Variants in CEP112 observed in about 807,000 individuals in gnomAD.
CEP112 encodes centrosomal protein 112, also known as centrosomal protein of 112 kDa.
A neutral mutation model predicts 153.0 loss-of-function variants in CEP112; 127 were observed. That is an observed-to-expected ratio of 0.83 (90% CI 0.72 to 0.96). The LOEUF (loss-of-function observed/expected upper bound fraction) is 0.96. Among genes scored for constraint, CEP112 ranks in the 40% least tolerant of loss-of-function variants. The probability of loss-of-function intolerance (pLI) is 0.00; values close to 1 mark genes in which losing one functional copy is unlikely to be tolerated. For missense variants in CEP112, 1,089 were observed against 1,101.2 expected (o/e 0.99, Z 0.16); for synonymous variants, 358 against 374.4 (o/e 0.96, Z 0.51).
chr17:65,914,632 G>A (rs1568219235), intron 19 of CEP112, among the ~76,000 whole-genome samples: 1 of 152,002 alleles, frequency 6.6e-6, no homozygotes, highest in African/African-American at 2.4e-5. Flanking sequence ...CTGTACACTG[G>A]ATTCCATCCT....
At chr17:65,832,654 A>C (rs2057133108) in intron 21 of CEP112, among the ~76,000 whole-genome samples, 1 of 150,794 alleles carries the variant, frequency 6.6e-6, no homozygotes, top group Non-Finnish European at 1.5e-5. Context: ...CTGAACAAGG[A>C]AGAAATTTAT....
At chr17:65,847,610 G>T (rs2057775308) in intron 21 of CEP112, among the ~76,000 whole-genome samples, 1 of 152,184 alleles carries the variant, frequency 6.6e-6, no homozygotes, top group Admixed American at 6.5e-5. Flanking sequence ...GAGGGCACCT[G>T]CCCCGAGCTG....
Position 65,722,405 on chromosome 17 carries a change from C to T in CEP112, c.2607+20663G>A, listed in dbSNP as rs550145053. Among the ~76,000 whole-genome samples the T allele has an allele frequency of 5.7e-3, 863 of 152,236 alleles. 10 individuals carry two copies. The highest frequency in any genetic ancestry group is 6.2e-3 in the Non-Finnish European group (424 of 68,016). ...CTGGGATTACAGGCACACACCACCACACCCAGCTAATTTTTGTATTTTTAG... is the reference window on the plus strand; with the variant it reads ...CTGGGATTACAGGCACACACCACCATACCCAGCTAATTTTTGTATTTTTAG... On this transcript the variant is annotated intron_variant, in intron 23 of 26. Transcript: ENST00000535342.
chr17:65,689,261 C>T, intron 23 of CEP112, 43 bp from the exon 24 acceptor site: 1 of 1,421,402 alleles, frequency 7.0e-7, no homozygotes, highest in Non-Finnish European at 9.9e-7. Flanking sequence ...AATTAGCACA[C>T]TTGGAAAAAT....
At chr17:65,850,798 C>T (rs147812850) in intron 21 of CEP112, among the ~76,000 whole-genome samples, 1 of 152,322 alleles carries the variant, frequency 6.6e-6, no homozygotes, top group East Asian at 1.9e-4. Context: ...TCTTCTCACT[C>T]ATCATTTCCA....
At chr17:66,170,168 T>C (rs1322853581) in intron 4 of CEP112, among the ~76,000 whole-genome samples, 1 of 152,122 alleles carries the variant, frequency 6.6e-6, no homozygotes, top group African/African-American at 2.4e-5. Context: ...AATCTATTGG[T>C]TAGAAGCAAG....
intron 21 of CEP112, among the ~76,000 whole-genome samples, chr17:65,802,458 A>G (rs1437027247): frequency 2.6e-5 from 4 of 152,146 alleles, no homozygotes; most frequent in African/African-American, 9.7e-5. Flanking sequence ...TAAATGATCA[A>G]TAGTCATTTC....
chr17:65,663,581 T>G (rs906282450), intron 24 of CEP112, among the ~76,000 whole-genome samples: 2 of 152,168 alleles, frequency 1.3e-5, no homozygotes, highest in Non-Finnish European at 2.9e-5. Flanking sequence ...GAGAAAGTGC[T>G]AGGATGGTGG....
intron 18 of CEP112, among the ~76,000 whole-genome samples, chr17:65,948,212 T>C (rs893179839): frequency 6.6e-5 from 10 of 152,188 alleles, no homozygotes; most frequent in Non-Finnish European, 1.3e-4. Flanking sequence ...ACCAGCGCTT[T>C]TCAGAACTTT....
intron 6 of CEP112, among the ~76,000 whole-genome samples, chr17:66,119,688 G>T (rs1246503460): frequency 2.0e-5 from 3 of 152,168 alleles, no homozygotes; most frequent in Non-Finnish European, 2.9e-5. Flanking sequence ...GGGAGAGAGA[G>T]AACTGTTAAA....
intron 25 of CEP112, among the ~76,000 whole-genome samples, chr17:65,639,377 G>A (rs1030347249): frequency 6.6e-6 from 1 of 151,964 alleles, no homozygotes; most frequent in Non-Finnish European, 1.5e-5. Flanking sequence ...ATTTTTCAAG[G>A]AAAAAATATG....
chr17:66,105,388 A>C (rs2146336933), intron 6 of CEP112, among the ~76,000 whole-genome samples: 1 of 152,310 alleles, frequency 6.6e-6, no homozygotes, highest in South Asian at 2.1e-4. Context: ...AGACCACAAA[A>C]CAACCGGAAA....
rs116791641 is a variant in CEP112 at position 65,966,527 on chromosome 17, C to G, written c.1737-4929G>C. Among the ~76,000 whole-genome samples the G allele has an allele frequency of 9.8e-3, 1,492 of 152,278 alleles. 21 individuals are homozygous for G. The highest frequency in any genetic ancestry group is 0.034 in the African/African-American group (1,425 of 41,554). On this transcript the variant is annotated intron_variant, in intron 17 of 26. Coordinates refer to ENST00000535342, the MANE Select transcript of CEP112 (RefSeq NM_001199165.4). The stretch of plus-strand genomic sequence containing the variant: ...CCTGGAAACTCCAAGAAAAACAACA[C>G]AAAACAAGAAACTTCAAACAAGTCT...
chr17:65,768,671 T>C (rs904662201), intron 21 of CEP112, among the ~76,000 whole-genome samples: 1 of 44,496 alleles, frequency 2.2e-5, no homozygotes, highest in East Asian at 4.5e-3. Flanking sequence ...CAGTGTGATA[T>C]ATCACATTAA....
At chr17:65,670,260 A>C (rs548444290) in intron 24 of CEP112, among the ~76,000 whole-genome samples, 1 of 151,522 alleles carries the variant, frequency 6.6e-6, no homozygotes, top group East Asian at 1.9e-4. Flanking sequence ...ATTATACCCT[A>C]ATAGTTATAT....
chr17:65,648,247 T>C (rs913689638), intron 24 of CEP112, among the ~76,000 whole-genome samples: 1 of 152,316 alleles, frequency 6.6e-6, no homozygotes, highest in East Asian at 1.9e-4. Flanking sequence ...CCACCACGGT[T>C]ACTTCTCTCT....
At chr17:65,809,476 C>A (rs2055820757) in intron 21 of CEP112, among the ~76,000 whole-genome samples, 1 of 152,072 alleles carries the variant, frequency 6.6e-6, no homozygotes, top group African/African-American at 2.4e-5. Flanking sequence ...AGTGAAGAGT[C>A]AATTTAGATT....
intron 21 of CEP112, among the ~76,000 whole-genome samples, chr17:65,820,919 C>T (rs565139503): frequency 1.3e-5 from 2 of 152,058 alleles, no homozygotes; most frequent in African/African-American, 4.8e-5. Context: ...TTCCATGACC[C>T]GGGGTTGCTT....
chr17:65,637,460 C>T (rs2044834328), intron 25 of CEP112, among the ~76,000 whole-genome samples: 1 of 152,218 alleles, frequency 6.6e-6, no homozygotes, highest in Admixed American at 6.5e-5. Context: ...TGTCCTCACG[C>T]CCTGCCCACC....
Sources: gnomAD v4.1 joint callset for allele counts (sites outside exome capture counted in the v4.1 genomes callset) on GRCh38, gnomAD v4.1.1 for gene constraint, MANE v1.5 for transcripts, NCBI Gene and HGNC (gene_info 2026-07-23, HGNC 2026-07-21) for gene names.